DGKB: variants seen among roughly 807,000 people sequenced by gnomAD.
The protein encoded by DGKB is 90 kDa diacylglycerol kinase.
In DGKB, 67 loss-of-function variants were observed where a neutral mutation model predicts 114.3. The observed-to-expected ratio is 0.59, with a 90% CI of 0.48 to 0.72. The LOEUF (loss-of-function observed/expected upper bound fraction) is 0.72, where lower values mean the gene tolerates loss of function less well. DGKB is among the 30% of genes least tolerant of loss of function. The pLI is 0.00. For synonymous variants in DGKB, 398 were observed against 323.1 expected (o/e 1.23, Z -2.49); for missense variants, 907 against 975.2 (o/e 0.93, Z 0.93).
At chr7:14,929,862 G>A (rs1302328078) in intron 1 of DGKB, among the ~76,000 whole-genome samples, 14 of 152,022 alleles carry the variant, frequency 9.2e-5, no homozygotes, top group South Asian at 2.1e-4. Context: ...ATGGTCTTAC[G>A]TTTAAGTCTT....
chr7:14,287,049 G>A (rs1800984167), intron 23 of DGKB, among the ~76,000 whole-genome samples: 2 of 152,046 alleles, frequency 1.3e-5, no homozygotes. Flanking sequence ...GCAGGCCCAT[G>A]TGATCTCTAC....
chr7:14,872,592 T>A (rs1208998294), intron 1 of DGKB, among the ~76,000 whole-genome samples: 1 of 152,140 alleles, frequency 6.6e-6, no homozygotes, highest in African/African-American at 2.4e-5. Context: ...TGAATGTTTA[T>A]AAAGCACAGT....
intron 20 of DGKB, among the ~76,000 whole-genome samples, chr7:14,529,908 G>A (rs1488409493): frequency 1.3e-5 from 2 of 151,632 alleles, no homozygotes; most frequent in Non-Finnish European, 3.0e-5. Context: ...CAATTAGTTA[G>A]ATACAAATAC....
chr7:14,672,899 G>C, intron 13 of DGKB, 30 bp downstream of exon 13: 3 of 1,323,994 alleles, frequency 2.3e-6, no homozygotes, highest in Non-Finnish European at 3.2e-6. Context: ...GCAATCCTAA[G>C]TTATAGTAGA....
chr7:14,927,135 G>T (rs1784788821), intron 1 of DGKB, among the ~76,000 whole-genome samples: 1 of 148,466 alleles, frequency 6.7e-6, no homozygotes, highest in Non-Finnish European at 1.5e-5. Flanking sequence ...TTGTTGGAGT[G>T]GTTGGCTGGT....
chr7:14,828,233 AAT>A (rs1845953640), intron 2 of DGKB, among the ~76,000 whole-genome samples: 1 of 152,132 alleles, frequency 6.6e-6, no homozygotes, highest in Non-Finnish European at 1.5e-5. Flanking sequence ...TGGTGGGAGT[AAT>A]ATATAGCCTA....
intron 21 of DGKB, among the ~76,000 whole-genome samples, chr7:14,428,505 A>C (rs1583867332): frequency 6.6e-6 from 1 of 152,110 alleles, no homozygotes; most frequent in South Asian, 2.1e-4. Context: ...GCTCATACCA[A>C]TATTTTTCTT....
intron 23 of DGKB, among the ~76,000 whole-genome samples, chr7:14,333,411 A>G (rs1810079849): frequency 6.7e-6 from 1 of 149,674 alleles, no homozygotes; most frequent in Non-Finnish European, 1.5e-5. Flanking sequence ...CAGTGAGCCG[A>G]GATCCCACCA....
intron 23 of DGKB, among the ~76,000 whole-genome samples, chr7:14,285,234 T>C (rs898867686): frequency 6.6e-6 from 1 of 152,144 alleles, no homozygotes; most frequent in African/African-American, 2.4e-5. Flanking sequence ...TAAAATATAC[T>C]GCCATTAGGT....
intron 1 of DGKB, among the ~76,000 whole-genome samples, chr7:14,860,772 T>C (rs1850861587): frequency 6.6e-6 from 1 of 151,908 alleles, no homozygotes; most frequent in Non-Finnish European, 1.5e-5. Context: ...GGGCATTAAG[T>C]TGTTCATGTA....
intron 6 of DGKB, among the ~76,000 whole-genome samples, chr7:14,702,839 A>G (rs1028723916): frequency 1.3e-5 from 2 of 152,334 alleles, no homozygotes; most frequent in African/African-American, 4.8e-5. Context: ...TATTATTAAT[A>G]AGATGCATAA....
intron 21 of DGKB, among the ~76,000 whole-genome samples, chr7:14,367,480 G>A (rs368307004): frequency 6.6e-6 from 1 of 151,816 alleles, no homozygotes; most frequent in Non-Finnish European, 1.5e-5. Context: ...TTCACTTTCC[G>A]CCACGGTCGT....
intron 23 of DGKB, among the ~76,000 whole-genome samples, chr7:14,316,782 G>T (rs1369531267): frequency 4.0e-5 from 6 of 151,698 alleles, no homozygotes; most frequent in East Asian, 3.9e-4. Context: ...TAACTCATTT[G>T]ATGAGGCCAG....
At chr7:14,277,445 T>C (rs1408910970) in intron 23 of DGKB, among the ~76,000 whole-genome samples, 1 of 152,206 alleles carries the variant, frequency 6.6e-6, no homozygotes, top group African/African-American at 2.4e-5. Context: ...AGTGCTGGGA[T>C]TACAGGCGTG....
intron 21 of DGKB, among the ~76,000 whole-genome samples, chr7:14,368,979 T>G (rs935802100): frequency 2.6e-5 from 4 of 152,138 alleles, no homozygotes; most frequent in African/African-American, 9.7e-5. Flanking sequence ...GGTGCAGGTT[T>G]GTTACATAGG....
intron 12 of DGKB, among the ~76,000 whole-genome samples, chr7:14,674,804 G>T (rs1245156660): frequency 6.6e-6 from 1 of 152,138 alleles, no homozygotes; most frequent in East Asian, 1.9e-4. Flanking sequence ...ACCACCAGAA[G>T]CTAGGAAGAA....
chr7:14,539,593 A>G (rs936599791), intron 20 of DGKB, among the ~76,000 whole-genome samples: 1 of 152,146 alleles, frequency 6.6e-6, no homozygotes, highest in African/African-American at 2.4e-5. Context: ...AAGGGTTTTT[A>G]AAAATCTCAT....
chr7:14,581,955 CTG>C (rs1264514518), intron 18 of DGKB, among the ~76,000 whole-genome samples: 2 of 152,146 alleles, frequency 1.3e-5, no homozygotes, highest in East Asian at 1.9e-4. Context: ...AGAATTTTCA[CTG>C]TTTCTTTTTA....
At chr7:14,338,405 C>T (rs1374441770) in intron 23 of DGKB, 110 bp downstream of exon 23, 2 of 577,694 alleles carry the variant, frequency 3.5e-6, no homozygotes, top group Non-Finnish European at 5.5e-6. Flanking sequence ...AAAAATACAA[C>T]TGTAAAAATA....
Sources: allele counts gnomAD v4.1 joint callset (sites outside exome capture counted in the v4.1 genomes callset), GRCh38; gene constraint gnomAD v4.1.1; transcripts MANE v1.5; gene names NCBI Gene and HGNC (gene_info 2026-07-23, HGNC 2026-07-21).